Variants in ALK observed in about 807,000 individuals in gnomAD.
ALK encodes the protein ALK tyrosine kinase receptor.
ALK carries 74 observed loss-of-function variants against 163.1 expected under a neutral mutation model. That is an observed-to-expected ratio of 0.45 (90% CI 0.38 to 0.55). ALK has a LOEUF of 0.55. Ranked by LOEUF, ALK falls within the 20% of genes least tolerant of loss-of-function variation. ALK has a pLI of 0.00. For missense variants in ALK, 2,063 were observed against 2,105.3 expected, an observed-to-expected ratio of 0.98 and a Z score of 0.39; for synonymous variants, 960 against 843.2, an observed-to-expected ratio of 1.14 and a Z score of -2.40.
intron 3 of ALK, among the ~76,000 whole-genome samples, chr2:29,558,966 A>C (rs1407086702): frequency 6.6e-6 from 1 of 152,172 alleles, no homozygotes. Context: ...AGGGTAGACT[A>C]TAATTTTCTG....
intron 1 of ALK, among the ~76,000 whole-genome samples, chr2:29,754,942 G>A (rs889219054): frequency 1.2e-4 from 18 of 152,068 alleles, no homozygotes; most frequent in African/African-American, 2.4e-4. Flanking sequence ...AGGAGATGCC[G>A]GACGCCAGCA....
chr2:29,794,761 G>A (rs1664266401), intron 1 of ALK, among the ~76,000 whole-genome samples: 1 of 152,278 alleles, frequency 6.6e-6, no homozygotes, highest in South Asian at 2.1e-4. Context: ...GGCATGGTTT[G>A]TGGCATCCCA....
intron 23 of ALK, among the ~76,000 whole-genome samples, chr2:29,216,628 G>A (rs776610332): frequency 1.4e-4 from 21 of 152,080 alleles, no homozygotes; most frequent in Non-Finnish European, 2.6e-4. Flanking sequence ...TGTGGTGTGC[G>A]TGTGTATTGT....
rs952784754 is a variant in ALK, at chr2:29,607,871, C to CT, written c.953-75756dup. ...CTGCTAGCAACTCCCACATTTCTTT[C>CT]TTTTTTTTTTCAATCTCAGTAGACC... On this transcript the variant is annotated intron_variant, in intron 3 of 28. Transcript: ENST00000389048. 3.0e-4 allele frequency among the ~76,000 whole-genome samples: 45 copies of CT among 149,646 alleles called. No homozygotes were observed. The South Asian group carries it at 7.1e-3, about 23-fold the overall frequency.
At chr2:29,502,370 G>A (rs1672210772) in intron 4 of ALK, among the ~76,000 whole-genome samples, 1 of 152,174 alleles carries the variant, frequency 6.6e-6, no homozygotes, top group South Asian at 2.1e-4. Flanking sequence ...ATAAGCACTT[G>A]TAAAAGATCA....
At chr2:29,553,030 G>A (rs920145865) in intron 3 of ALK, among the ~76,000 whole-genome samples, 4 of 152,106 alleles carry the variant, frequency 2.6e-5, no homozygotes, top group African/African-American at 7.2e-5. Flanking sequence ...TTTATTCAGC[G>A]AAATTCTAAT....
intron 8 of ALK, among the ~76,000 whole-genome samples, chr2:29,300,983 T>A (rs910988826): frequency 2.0e-5 from 3 of 152,180 alleles, no homozygotes; most frequent in Non-Finnish European, 4.4e-5. Context: ...TGGATGAGCA[T>A]GCTGATTACT....
chr2:29,358,201 T>C (rs1668298640), intron 5 of ALK, among the ~76,000 whole-genome samples: 3 of 152,166 alleles, frequency 2.0e-5, no homozygotes, highest in Admixed American at 2.0e-4. Flanking sequence ...GCAAATGTAT[T>C]AAAACAATAA....
Position 29,752,352 on chromosome 2 carries a change from T to C in ALK, c.668-34655A>G, listed in dbSNP as rs937032827. Among the ~76,000 whole-genome samples the C allele has an allele frequency of 6.8e-5, 10 of 146,548 alleles. No homozygotes were observed. In the East Asian group the frequency reaches 9.8e-4, roughly 14 times the overall value. On this transcript the variant is annotated intron_variant, in intron 1 of 28. Transcript: ENST00000389048. ...TGACTTCTGCTATTTTCTTTTCTTT[T>C]TTTTTTTTTTTTTTTGAGACGGAGT...
chr2:29,376,784 C>G (rs1214207038), intron 5 of ALK, among the ~76,000 whole-genome samples: 3 of 152,218 alleles, frequency 2.0e-5, no homozygotes, highest in African/African-American at 2.4e-5. Context: ...GATTTTGGAG[C>G]CTACTCTAGA....
intron 6 of ALK, among the ~76,000 whole-genome samples, chr2:29,321,276 C>T (rs533439686): frequency 6.6e-6 from 1 of 152,330 alleles, no homozygotes; most frequent in African/African-American, 2.4e-5. Context: ...TCTTTATACT[C>T]AGCCACCATG....
At chr2:29,692,391 T>A (rs921922631) in intron 3 of ALK, among the ~76,000 whole-genome samples, 2 of 152,204 alleles carry the variant, frequency 1.3e-5, no homozygotes, top group African/African-American at 4.8e-5. Flanking sequence ...AGAGCAATGG[T>A]CCCCAACCTT....
intron 4 of ALK, among the ~76,000 whole-genome samples, chr2:29,411,876 T>C (rs767341938): frequency 6.6e-6 from 1 of 152,204 alleles, no homozygotes; most frequent in Non-Finnish European, 1.5e-5. Flanking sequence ...CCTTGGCAAA[T>C]CCTTTGAAGT....
At chr2:29,868,636 G>A (rs192764014) in intron 1 of ALK, among the ~76,000 whole-genome samples, 79 of 152,232 alleles carry the variant, frequency 5.2e-4, no homozygotes, top group Non-Finnish European at 9.0e-4. Flanking sequence ...AGGACAAATA[G>A]TCTAAGCCTT....
At chr2:29,685,902 C>T (rs927208290) in intron 3 of ALK, among the ~76,000 whole-genome samples, 1 of 152,188 alleles carries the variant, frequency 6.6e-6, no homozygotes, top group Non-Finnish European at 1.5e-5. Context: ...CTCACGGCTT[C>T]TTCCTCCATC....
chr2:29,375,553 G>A lies in ALK; in HGVS notation c.1282+8179C>T, dbSNP rs531035978. Among the ~76,000 whole-genome samples, 12 of 152,184 alleles carry A rather than the reference G, an allele frequency of 7.9e-5. No individual in the cohort carries two copies. In the South Asian group the frequency reaches 1.2e-3, roughly 16 times the overall value. On this transcript the variant is annotated intron_variant, in intron 5 of 28. Transcript: ENST00000389048. ...AGGATGGTCTTGATCTCCTGACCTC[G>A]TGATCTGCCCGCCTCGGCCTCCCAA...
intron 4 of ALK, among the ~76,000 whole-genome samples, chr2:29,458,763 T>C (rs1671017540): frequency 6.6e-6 from 1 of 152,124 alleles, no homozygotes; most frequent in Non-Finnish European, 1.5e-5. Flanking sequence ...AAATTGTCAG[T>C]AAGAATAAAA....
intron 3 of ALK, among the ~76,000 whole-genome samples, chr2:29,628,583 G>A (rs1475279312): frequency 2.0e-5 from 3 of 152,162 alleles, no homozygotes; most frequent in African/African-American, 4.8e-5. Flanking sequence ...CAAACACTCT[G>A]TTGTGTTATA....
intron 1 of ALK, among the ~76,000 whole-genome samples, chr2:29,914,965 CA>C (rs1667793107): frequency 1.3e-5 from 2 of 152,132 alleles, no homozygotes; most frequent in South Asian, 4.1e-4. Context: ...CAAAATAAAG[CA>C]AACATTTGTC....
Sources: allele counts gnomAD v4.1 joint callset (sites outside exome capture counted in the v4.1 genomes callset), GRCh38; gene constraint gnomAD v4.1.1; transcripts MANE v1.5; gene names NCBI Gene and HGNC (gene_info 2026-07-23, HGNC 2026-07-21).